The following PCDHGA9 variants were observed in gnomAD, a reference collection of about 807,000 sequenced individuals.
PCDHGA9 encodes the protein protocadherin gamma subfamily A, 9.
In PCDHGA9, 37 loss-of-function variants were observed where a neutral mutation model predicts 62.5. The ratio of observed to expected loss-of-function variants is 0.59; its 90% confidence interval spans 0.46 to 0.78. The LOEUF (loss-of-function observed/expected upper bound fraction) is 0.78, where lower values mean the gene tolerates loss of function less well. Ranked by LOEUF, PCDHGA9 falls within the 30% of genes least tolerant of loss-of-function variation. The pLI, the probability that PCDHGA9 is intolerant of heterozygous loss-of-function variation, is 0.00. For missense variants in PCDHGA9, 1,138 were observed against 1,166.2 expected, an observed-to-expected ratio of 0.98 and a Z score of 0.35; for synonymous variants, 459 against 484.6, an observed-to-expected ratio of 0.95 and a Z score of 0.69.
intron 1 of PCDHGA9, among the ~76,000 whole-genome samples, chr5:141,472,405 G>A (rs1207849470): frequency 6.6e-6 from 1 of 152,086 alleles, no homozygotes; most frequent in Non-Finnish European, 1.5e-5. Flanking sequence ...GCCAGGCGTG[G>A]TGGCACGCAC....
At chr5:141,500,876 A>G (rs909126749) in intron 2 of PCDHGA9, among the ~76,000 whole-genome samples, 1 of 124,952 alleles carries the variant, frequency 8.0e-6, no homozygotes, top group African/African-American at 3.5e-5. Flanking sequence ...ATTCATTTAC[A>G]ATTTTTTTTT....
intron 2 of PCDHGA9, among the ~76,000 whole-genome samples, chr5:141,495,119 C>T (rs1024197360): frequency 3.9e-5 from 6 of 152,182 alleles, no homozygotes; most frequent in African/African-American, 1.4e-4. Context: ...CTTTTCCTAT[C>T]CCCTGAGGGC....
At chr5:141,433,208 CTTT>C (rs745329085) in intron 1 of PCDHGA9, 6 of 1,292,918 alleles carry the variant, frequency 4.6e-6, no homozygotes, top group East Asian at 2.6e-5. Flanking sequence ...AATCTTCTTT[CTTT>C]TTTTTTTTTA....
In PCDHGA9 at chr5:141,439,058, TGGCA is replaced by T. The variant is rs1241503235; in HGVS notation, c.2424+33686_2424+33689del. On this transcript the variant is annotated intron_variant, in intron 1 of 3. Transcript: ENST00000573521. ...CAGTTCATAAGATTTCCATATTGTG[TGGCA>T]GGCGCCTGTAATCCCAGCTACTCAG... 2.0e-5 allele frequency among the ~76,000 whole-genome samples: 3 copies of T among 151,580 alleles called. No individual in the cohort carries two copies. The East Asian group carries it at 5.9e-4, about 30-fold the overall frequency.
chr5:141,434,174 C>T (rs1310074584), intron 1 of PCDHGA9, among the ~76,000 whole-genome samples: 1 of 152,132 alleles, frequency 6.6e-6, no homozygotes, highest in Non-Finnish European at 1.5e-5. Flanking sequence ...GGGATTATAT[C>T]CAAGATTTGT....
At chr5:141,453,700 G>A (rs953445370) in intron 1 of PCDHGA9, among the ~76,000 whole-genome samples, 1 of 152,166 alleles carries the variant, frequency 6.6e-6, no homozygotes, top group Non-Finnish European at 1.5e-5. Flanking sequence ...TCCTGGCTTT[G>A]AACAGTTTCA....
At chr5:141,492,952 C>T (rs1428667098) in intron 1 of PCDHGA9, among the ~76,000 whole-genome samples, 1 of 152,242 alleles carries the variant, frequency 6.6e-6, no homozygotes, top group Non-Finnish European at 1.5e-5. Context: ...GGTGACCAAA[C>T]TATCTGACAC....
chr5:141,509,819 C>T (rs1008625658), intron 3 of PCDHGA9, among the ~76,000 whole-genome samples: 3 of 152,154 alleles, frequency 2.0e-5, no homozygotes, highest in African/African-American at 7.2e-5. Context: ...AGCTCTTCTC[C>T]ATCTTCTCTC....
chr5:141,438,063 A>T (rs540817874), intron 1 of PCDHGA9, among the ~76,000 whole-genome samples: 1 of 152,106 alleles, frequency 6.6e-6, no homozygotes, highest in Non-Finnish European at 1.5e-5. Context: ...CTTTTAAGAA[A>T]CCATACTTAA....
At chr5:141,474,871 A>G (rs894657981) in intron 1 of PCDHGA9, among the ~76,000 whole-genome samples, 5 of 152,236 alleles carry the variant, frequency 3.3e-5, no homozygotes, top group African/African-American at 1.2e-4. Context: ...ATAGGATAGG[A>G]GCAGGAACTC....
intron 1 of PCDHGA9, chr5:141,409,110 A>T: frequency 6.2e-7 from 1 of 1,614,060 alleles, no homozygotes; most frequent in Non-Finnish European, 8.5e-7. Context: ...ATGATTAAGA[A>T]TAACCAGTCA....
chr5:141,415,657 G>A, intron 1 of PCDHGA9: 1 of 1,576,236 alleles, frequency 6.3e-7, no homozygotes, highest in Non-Finnish European at 8.6e-7. Flanking sequence ...AAAAAAGATT[G>A]GTTTTTACTT....
chr5:141,510,420 G>A (rs1275392355), intron 3 of PCDHGA9, among the ~76,000 whole-genome samples: 2 of 152,126 alleles, frequency 1.3e-5, no homozygotes, highest in Non-Finnish European at 2.9e-5. Flanking sequence ...TAAAGCCATG[G>A]TTTCATGGCT....
At chr5:141,429,559 A>G (rs2097222911) in intron 1 of PCDHGA9, among the ~76,000 whole-genome samples, 2 of 152,146 alleles carry the variant, frequency 1.3e-5, no homozygotes, top group Admixed American at 6.5e-5. Context: ...TGATTTGATA[A>G]TATTCAGTTA....
Position 141,489,902 on chromosome 5 carries a change from C to T in PCDHGA9, c.2425-4905C>T. The T allele has an allele frequency of 6.2e-7, 1 of 1,614,218 alleles. No individual in the cohort carries two copies. The highest frequency in any genetic ancestry group is 8.5e-7 in the Non-Finnish European group (1 of 1,180,032). On this transcript the variant is annotated intron_variant, in intron 1 of 3. Transcript: ENST00000573521. This position sits in a 1 kb window ranked among gnomAD's most constrained non-coding sequence, Gnocchi z 4.5. Reference sequence around the variant, plus strand: ...ACTGCTGTGGATGGGGGGACCCCAGCCCGCTCAGGGACCACCCTTATCTCT... The same window carrying T: ...ACTGCTGTGGATGGGGGGACCCCAGTCCGCTCAGGGACCACCCTTATCTCT...
At position 141,435,341 on chromosome 5, in the gene PCDHGA9, C is replaced by T. The variant is rs73794903; in HGVS notation, c.2424+29965C>T. 9.3e-3 allele frequency among the ~76,000 whole-genome samples: 1,412 copies of T among 152,206 alleles called. 25 individuals carry two copies. Among genetic ancestry groups the T allele is most frequent in the African/African-American group, 0.032 (1,313 of 41,532 alleles). On this transcript the variant is annotated intron_variant, in intron 1 of 3. Coordinates refer to ENST00000573521, the MANE Select transcript of PCDHGA9 (RefSeq NM_018921.3). ...ACTTCCAAATATAGTGAATTTATTT[C>T]TTCTGCATTTAAAATTTTATCACTT...
chr5:141,503,307 G>T (rs1042228003), intron 2 of PCDHGA9, among the ~76,000 whole-genome samples: 5 of 152,096 alleles, frequency 3.3e-5, no homozygotes, highest in African/African-American at 1.2e-4. Context: ...GCTCAAGAAA[G>T]AATTGTTGGA....
chr5:141,435,542 A>C (rs1402711516), intron 1 of PCDHGA9, among the ~76,000 whole-genome samples: 1 of 152,146 alleles, frequency 6.6e-6, no homozygotes, highest in Non-Finnish European at 1.5e-5. Flanking sequence ...GAATTAACAA[A>C]ATGTGTTTTG....
chr5:141,437,000 G>A (rs1197061999), intron 1 of PCDHGA9, among the ~76,000 whole-genome samples: 1 of 152,198 alleles, frequency 6.6e-6, no homozygotes, highest in Non-Finnish European at 1.5e-5. Flanking sequence ...TTACTTCAAT[G>A]GGATCTTAGA....
Sources: gnomAD v4.1 joint callset for allele counts (sites outside exome capture counted in the v4.1 genomes callset) on GRCh38, gnomAD v4.1.1 for gene constraint, Gnocchi (gnomAD v3.1) non-coding constraint, MANE v1.5 for transcripts, NCBI Gene and HGNC (gene_info 2026-07-23, HGNC 2026-07-21) for gene names.